CNTN4: variants seen among roughly 807,000 people sequenced by gnomAD.
CNTN4 encodes contactin-4.
Under a neutral mutation model 122.5 loss-of-function variants are expected in CNTN4, and 77 were observed. That is an observed-to-expected ratio of 0.63 (90% CI 0.52 to 0.76). The LOEUF is 0.76. CNTN4 is among the 30% of genes least tolerant of loss of function. The probability of loss-of-function intolerance (pLI) is 0.00; values close to 1 mark genes in which losing one functional copy is unlikely to be tolerated. For synonymous variants in CNTN4, 512 were observed against 447.0 expected, an observed-to-expected ratio of 1.15 and a Z score of -1.83; for missense variants, 1,256 against 1,259.1, an observed-to-expected ratio of 1.00 and a Z score of 0.04.
At chr3:2,893,669 A>G (rs896579511) in intron 10 of CNTN4, among the ~76,000 whole-genome samples, 114 of 152,194 alleles carry the variant, frequency 7.5e-4, no homozygotes, top group African/African-American at 2.7e-3. Context: ...AGCCATGAAA[A>G]AAAGAGTCAT....
At chr3:2,969,843 C>A (rs569412587) in intron 13 of CNTN4, among the ~76,000 whole-genome samples, 1 of 152,232 alleles carries the variant, frequency 6.6e-6, no homozygotes, top group East Asian at 1.9e-4. Context: ...TGAGAGGCCA[C>A]ATGGGAGCAT....
chr3:2,640,294 A>C (rs2082844165), intron 4 of CNTN4, among the ~76,000 whole-genome samples: 1 of 152,336 alleles, frequency 6.6e-6, no homozygotes, highest in East Asian at 1.9e-4. Context: ...ACAGATCAAA[A>C]ACTGTACTCT....
intron 6 of CNTN4, among the ~76,000 whole-genome samples, chr3:2,801,387 A>G (rs997734686): frequency 3.9e-5 from 6 of 152,238 alleles, no homozygotes; most frequent in East Asian, 1.9e-4. Flanking sequence ...GAAACATTGC[A>G]TCAATTAAAA....
chr3:2,987,477 A>G (rs2125275713), intron 13 of CNTN4, among the ~76,000 whole-genome samples: 1 of 152,330 alleles, frequency 6.6e-6, no homozygotes, highest in East Asian at 1.9e-4. Flanking sequence ...GGTGAGAAGG[A>G]GGGCGTGAAA....
intron 4 of CNTN4, among the ~76,000 whole-genome samples, chr3:2,573,304 A>C (rs1048235988): frequency 6.6e-6 from 1 of 152,106 alleles, no homozygotes; most frequent in Non-Finnish European, 1.5e-5. Flanking sequence ...GCCTTAGTTG[A>C]GTTCACGTCT....
chr3:2,510,431 G>T (rs960621427), intron 3 of CNTN4, among the ~76,000 whole-genome samples: 1 of 150,022 alleles, frequency 6.7e-6, no homozygotes, highest in East Asian at 2.0e-4. Context: ...TTAGAACTCA[G>T]ATTTCTGACT....
At chr3:2,555,686 T>C (rs2078690208) in intron 3 of CNTN4, among the ~76,000 whole-genome samples, 1 of 152,172 alleles carries the variant, frequency 6.6e-6, no homozygotes, top group African/African-American at 2.4e-5. Flanking sequence ...GATTCTCTGA[T>C]GTATCAAGGC....
At chr3:2,994,613 A>ATATATATATATATATATATG (rs370506181) in intron 14 of CNTN4, among the ~76,000 whole-genome samples, 29 of 142,214 alleles carry the variant, frequency 2.0e-4, no homozygotes, top group African/African-American at 6.8e-4. Flanking sequence ...ATATATATAT[A>ATATATATATATATATATATG]TGTGTGTATA....
intron 4 of CNTN4, among the ~76,000 whole-genome samples, chr3:2,705,924 A>G (rs1210550528): frequency 7.9e-6 from 1 of 125,792 alleles, no homozygotes; most frequent in Admixed American, 9.8e-5. Context: ...AATATATGTA[A>G]TATATAATTT....
In CNTN4 at chr3:2,163,965, C is replaced by T. The variant is rs189491849; in HGVS notation, c.-145+63326C>T. ...TTCCTTAAGGAACTAAAAGAGAGAG[C>T]TAAGCTGTGAGGCTGCAAAGGTATA... On this transcript the variant is annotated intron_variant, in intron 2 of 24. Transcript: ENST00000418658. Among the ~76,000 whole-genome samples, 221 of 152,014 alleles carry T rather than the reference C, an allele frequency of 1.5e-3. 1 individual carries two copies. Among genetic ancestry groups the T allele is most frequent in the African/African-American group, 5.2e-3 (215 of 41,410 alleles).
At chr3:2,633,233 T>A (rs1438713214) in intron 4 of CNTN4, among the ~76,000 whole-genome samples, 1 of 152,150 alleles carries the variant, frequency 6.6e-6, no homozygotes, top group African/African-American at 2.4e-5. Flanking sequence ...ACTGTTCACA[T>A]AAAACACAAC....
At position 2,303,928 on chromosome 3, in the gene CNTN4, TTTTGTGTCACAATAGATTATCACC is replaced by T. The variant is rs544862725; in HGVS notation, c.-144-35245_-144-35222del. Among the ~76,000 whole-genome samples, 68 of 152,338 alleles carry T rather than the reference TTTTGTGTCACAATAGATTATCACC, an allele frequency of 4.5e-4. No individual in the cohort carries two copies. In the South Asian group the frequency reaches 0.014, roughly 32 times the overall value. On this transcript the variant is annotated intron_variant, in intron 2 of 24. Coordinates refer to ENST00000418658, the MANE Select transcript of CNTN4 (RefSeq NM_175607.3). ...CTCAGAATACTGTGTAAACGGTATA[TTTTGTGTCACAATAGATTATCACC>T]TTTGGATTTTTCATTTTCAATAGGA...
At chr3:2,886,320 C>T (rs2093978100) in intron 9 of CNTN4, among the ~76,000 whole-genome samples, 1 of 150,756 alleles carries the variant, frequency 6.6e-6, no homozygotes, top group South Asian at 2.1e-4. Context: ...TCACTTGAAC[C>T]CAGGAGGCAG....
chr3:3,003,036 C>T (rs1696208012), intron 14 of CNTN4, among the ~76,000 whole-genome samples: 2 of 152,110 alleles, frequency 1.3e-5, no homozygotes, highest in South Asian at 4.1e-4. Context: ...ATGATCTTGC[C>T]AGGCTGAATA....
At chr3:2,650,646 A>T (rs887068580) in intron 4 of CNTN4, among the ~76,000 whole-genome samples, 6 of 152,196 alleles carry the variant, frequency 3.9e-5, no homozygotes, top group Non-Finnish European at 8.8e-5. Flanking sequence ...ATCCACCCTG[A>T]TCAGTCAGCA....
At position 2,581,950 on chromosome 3, in the gene CNTN4, T is replaced by C. The variant is rs140115044; in HGVS notation, c.55+10392T>C. Among the ~76,000 whole-genome samples the C allele has an allele frequency of 1.1e-3, 166 of 152,232 alleles. 1 individual carries two copies. The East Asian group carries it at 0.021, about 19-fold the overall frequency. On this transcript the variant is annotated intron_variant, in intron 4 of 24. Coordinates refer to ENST00000418658, the MANE Select transcript of CNTN4 (RefSeq NM_175607.3). ...GGACTGTCCAGAATAGACAAAGCCATAGGGACAGAAAGTAGAATAGTATTT... is the reference window on the plus strand; with the variant it reads ...GGACTGTCCAGAATAGACAAAGCCACAGGGACAGAAAGTAGAATAGTATTT...
In CNTN4 at chr3:2,277,852, T is replaced by C. The variant is rs114167602; in HGVS notation, c.-144-61326T>C. 1.8e-3 allele frequency among the ~76,000 whole-genome samples: 272 copies of C among 152,344 alleles called. 2 individuals carry two copies. Among genetic ancestry groups the C allele is most frequent in the Non-Finnish European group, 2.7e-3 (184 of 68,022 alleles). ...TCAGCACAATGCTATTTATTGAATT[T>C]ATCTGTCAATTTCTTCTTCCTTGCA... On this transcript the variant is annotated intron_variant, in intron 2 of 24. Coordinates refer to ENST00000418658, the MANE Select transcript of CNTN4 (RefSeq NM_175607.3).
chr3:2,203,391 T>C (rs976371473), intron 2 of CNTN4, among the ~76,000 whole-genome samples: 2 of 152,150 alleles, frequency 1.3e-5, no homozygotes, highest in African/African-American at 2.4e-5. Flanking sequence ...GATGTTGTTA[T>C]GATAGCCATG....
chr3:2,654,537 C>A (rs1169344830), intron 4 of CNTN4, among the ~76,000 whole-genome samples: 2 of 152,140 alleles, frequency 1.3e-5, no homozygotes, highest in Non-Finnish European at 2.9e-5. Context: ...AAGGCCAACC[C>A]AAGGGTATTA....
Sources: gnomAD v4.1 joint callset for allele counts (sites outside exome capture counted in the v4.1 genomes callset) on GRCh38, gnomAD v4.1.1 for gene constraint, MANE v1.5 for transcripts, NCBI Gene and HGNC (gene_info 2026-07-23, HGNC 2026-07-21) for gene names.